Variants in RALGPS1 observed in about 807,000 individuals in gnomAD.
RALGPS1 encodes Ral GEF with PH domain and SH3 binding motif 1, also known as ras-specific guanine nucleotide-releasing factor RalGPS1.
RALGPS1 carries 19 observed loss-of-function variants against 78.8 expected under a neutral mutation model. The ratio of observed to expected loss-of-function variants is 0.24; its 90% confidence interval spans 0.17 to 0.35. The LOEUF is 0.35. Ranked by LOEUF, RALGPS1 falls within the 10% of genes least tolerant of loss-of-function variation. RALGPS1 has a pLI of 1.00. For missense variants in RALGPS1, 454 were observed against 688.3 expected (o/e 0.66, Z 3.81); for synonymous variants, 228 against 256.3 (o/e 0.89, Z 1.06).
At chr9:127,037,473 C>T (rs1290195420) in intron 5 of RALGPS1, among the ~76,000 whole-genome samples, 1 of 152,208 alleles carries the variant, frequency 6.6e-6, no homozygotes, top group Non-Finnish European at 1.5e-5. Flanking sequence ...TGACTGAAAC[C>T]CCAGCTCAAA....
chr9:127,126,534 CTTTA>C (rs1392532761), intron 8 of RALGPS1, among the ~76,000 whole-genome samples: 1 of 152,192 alleles, frequency 6.6e-6, no homozygotes. Context: ...GTCACTGAAG[CTTTA>C]TTTGTTTATC....
intron 1 of RALGPS1, among the ~76,000 whole-genome samples, chr9:126,952,053 AC>A (rs756102986): frequency 6.6e-6 from 1 of 152,186 alleles, no homozygotes; most frequent in Non-Finnish European, 1.5e-5. Context: ...TCATGAGTGA[AC>A]TCCCATTCAC....
chr9:126,942,506 C>G (rs2036881343), intron 1 of RALGPS1, among the ~76,000 whole-genome samples: 1 of 152,200 alleles, frequency 6.6e-6, no homozygotes, highest in Non-Finnish European at 1.5e-5. Flanking sequence ...TGAAATGCCT[C>G]TTGGTTATAT....
At chr9:127,111,225 A>C (rs1341909971) in intron 8 of RALGPS1, among the ~76,000 whole-genome samples, 2 of 151,624 alleles carry the variant, frequency 1.3e-5, no homozygotes, top group Non-Finnish European at 2.9e-5. Flanking sequence ...TTGTTCCCTT[A>C]CCTCTTTCAA....
At position 127,218,429 on chromosome 9, in the gene RALGPS1, C is replaced by A. The variant is rs1176388354; in HGVS notation, c.1645-311C>A. Among the ~76,000 whole-genome samples the A allele has an allele frequency of 6.6e-6, 1 of 152,188 alleles. No homozygotes were observed. The highest frequency in any genetic ancestry group is 1.5e-5 in the Non-Finnish European group (1 of 68,018). On this transcript the variant is annotated intron_variant, in intron 18 of 18. Coordinates refer to ENST00000259351, the MANE Select transcript of RALGPS1 (RefSeq NM_014636.3). This position sits in a 1 kb window ranked among gnomAD's most constrained non-coding sequence, Gnocchi z 4.4. ...GGGCTCTGGGTTCTTAGCCCTGCTG[C>A]TTACTTGCTGTGTACTGAACCTCCC...
chr9:127,196,379 G>A, intron 12 of RALGPS1, 95 bp from the exon 13 acceptor site: 1 of 1,433,600 alleles, frequency 7.0e-7, no homozygotes, highest in Non-Finnish European at 9.4e-7. Flanking sequence ...CCTTTTTCCT[G>A]CAGCTGCACC....
chr9:127,158,344 TTAG>T (rs1267070265), intron 8 of RALGPS1, among the ~76,000 whole-genome samples: 1 of 152,136 alleles, frequency 6.6e-6, no homozygotes, highest in African/African-American at 2.4e-5. Flanking sequence ...TTTCTCTTTA[TTAG>T]TAAAGTTTTT....
At chr9:127,058,396 TGG>T (rs894963207) in intron 7 of RALGPS1, among the ~76,000 whole-genome samples, 13 of 151,748 alleles carry the variant, frequency 8.6e-5, no homozygotes, top group Non-Finnish European at 1.3e-4. Flanking sequence ...ACAAACTGGG[TGG>T]GGGATGGGGA....
At chr9:127,188,055 CCTTTTTTT>C (rs2060769735) in intron 11 of RALGPS1, among the ~76,000 whole-genome samples, 1 of 121,594 alleles carries the variant, frequency 8.2e-6, no homozygotes, top group Admixed American at 8.8e-5. Flanking sequence ...AGAATTAGAG[CCTTTTTTT>C]TTTTTTTTTT....
At chr9:127,139,211 G>A (rs1035772688) in intron 8 of RALGPS1, among the ~76,000 whole-genome samples, 1 of 152,202 alleles carries the variant, frequency 6.6e-6, no homozygotes, top group Non-Finnish European at 1.5e-5. Flanking sequence ...GGCAGACCTA[G>A]TGAGGTATGA....
At chr9:127,123,663 TA>T (rs2056368099) in intron 8 of RALGPS1, among the ~76,000 whole-genome samples, 1 of 152,144 alleles carries the variant, frequency 6.6e-6, no homozygotes, top group South Asian at 2.1e-4. Flanking sequence ...GCCAGCCGCA[TA>T]GGTGGAGCTC....
chr9:126,965,537 G>A (rs2039397565), intron 2 of RALGPS1, among the ~76,000 whole-genome samples: 1 of 152,200 alleles, frequency 6.6e-6, no homozygotes, highest in South Asian at 2.1e-4. Flanking sequence ...ACAAAAGTAA[G>A]TTTACTTTCT....
At chr9:127,093,632 G>C in intron 8 of RALGPS1, 1 of 1,416,332 alleles carries the variant, frequency 7.1e-7, no homozygotes, top group Non-Finnish European at 9.8e-7. Context: ...GGCTTGGTCA[G>C]CATGTACCTC....
rs143636858 is a variant in RALGPS1 at position 126,963,667 on chromosome 9, A to G, written c.57+1321A>G. Among the ~76,000 whole-genome samples the G allele has an allele frequency of 3.9e-3, 590 of 152,266 alleles. 4 individuals are homozygous for G. Among genetic ancestry groups the G allele is most frequent in the African/African-American group, 0.013 (557 of 41,542 alleles). On this transcript the variant is annotated intron_variant, in intron 2 of 18. Coordinates refer to ENST00000259351, the MANE Select transcript of RALGPS1 (RefSeq NM_014636.3). ...ATTTAATATTCACAATAACCCCATC[A>G]GGTGTATATTATTATTTTATCCCTA...
At chr9:127,172,851 T>G (rs1296110084) in intron 10 of RALGPS1, among the ~76,000 whole-genome samples, 1 of 152,198 alleles carries the variant, frequency 6.6e-6, no homozygotes, top group Non-Finnish European at 1.5e-5. Flanking sequence ...CCTTCTCGGT[T>G]GGGCCATTGG....
At chr9:127,203,693 C>G (rs2061771802) in intron 14 of RALGPS1, among the ~76,000 whole-genome samples, 1 of 152,156 alleles carries the variant, frequency 6.6e-6, no homozygotes, top group Admixed American at 6.5e-5. Context: ...TAAATAAGTC[C>G]TGTCAGGGAA....
intron 4 of RALGPS1, among the ~76,000 whole-genome samples, chr9:126,994,401 G>A (rs1225767331): frequency 2.6e-5 from 4 of 152,180 alleles, no homozygotes; most frequent in Non-Finnish European, 5.9e-5. Flanking sequence ...CTCAGTAGCC[G>A]ATGCGATCAA....
intron 1 of RALGPS1, among the ~76,000 whole-genome samples, chr9:126,923,896 G>T (rs964914942): frequency 5.3e-5 from 8 of 152,220 alleles, no homozygotes; most frequent in African/African-American, 1.9e-4. Flanking sequence ...GTTTTCAGAA[G>T]ATACTTGTTG....
chr9:126,980,896 A>G (rs2041189077), intron 4 of RALGPS1, among the ~76,000 whole-genome samples: 1 of 152,172 alleles, frequency 6.6e-6, no homozygotes, highest in Non-Finnish European at 1.5e-5. Flanking sequence ...TCCATTGTGT[A>G]AGCAATATAG....
Sources: gnomAD v4.1 joint callset for allele counts (sites outside exome capture counted in the v4.1 genomes callset) on GRCh38, gnomAD v4.1.1 for gene constraint, Gnocchi (gnomAD v3.1) non-coding constraint, MANE v1.5 for transcripts, NCBI Gene and HGNC (gene_info 2026-07-23, HGNC 2026-07-21) for gene names.